Variants in NRCAM observed in about 807,000 individuals in gnomAD.
NRCAM encodes the protein neuronal cell adhesion molecule.
Under a neutral mutation model 156.5 loss-of-function variants are expected in NRCAM, and 83 were observed. That is an observed-to-expected ratio of 0.53 (90% confidence interval 0.44 to 0.64). NRCAM has a LOEUF of 0.64. Among genes scored for constraint, NRCAM ranks in the 30% least tolerant of loss-of-function variants. The pLI is 0.00. For synonymous variants in NRCAM, 538 were observed against 563.9 expected (o/e 0.95, Z 0.65); for missense variants, 1,417 against 1,597.3 (o/e 0.89, Z 1.92).
chr7:108,165,387 T>C (rs981414664), intron 30 of NRCAM, among the ~76,000 whole-genome samples: 1 of 152,194 alleles, frequency 6.6e-6, no homozygotes, highest in Non-Finnish European at 1.5e-5. Flanking sequence ...ATCATAGGAT[T>C]GTTGTAAGGA....
At chr7:108,324,582 A>G (rs1178266939) in intron 2 of NRCAM, among the ~76,000 whole-genome samples, 1 of 152,170 alleles carries the variant, frequency 6.6e-6, no homozygotes, top group East Asian at 1.9e-4. Flanking sequence ...CTTTTCTTCA[A>G]CAGGCTCTGC....
chr7:108,299,126 G>GAAAGAAAGAAAGAAAA (rs2098530903), intron 3 of NRCAM, among the ~76,000 whole-genome samples: 1 of 62,336 alleles, frequency 1.6e-5, no homozygotes. Flanking sequence ...AAGAAAGAAA[G>GAAAGAAAGAAAGAAAA]AAAGAAAGAA....
At chr7:108,268,973 C>T (rs1249315805) in intron 3 of NRCAM, among the ~76,000 whole-genome samples, 1 of 152,078 alleles carries the variant, frequency 6.6e-6, no homozygotes, top group African/African-American at 2.4e-5. Context: ...CCTCGCTTTA[C>T]AGAAGAGGAA....
At chr7:108,309,356 T>C (rs887814189) in intron 3 of NRCAM, among the ~76,000 whole-genome samples, 7 of 152,226 alleles carry the variant, frequency 4.6e-5, no homozygotes, top group Admixed American at 2.0e-4. Flanking sequence ...TATTTTTTAC[T>C]TGGAGTTAGA....
At chr7:108,216,765 G>A (rs536998654) in intron 11 of NRCAM, among the ~76,000 whole-genome samples, 141 of 152,116 alleles carry the variant, frequency 9.3e-4, no homozygotes, top group East Asian at 2.3e-3. Context: ...AGCTCCATCC[G>A]GTCATTTATG....
chr7:108,248,841 C>T lies in NRCAM; in HGVS notation c.-106-8671G>A, dbSNP rs963171778. The stretch of plus-strand genomic sequence containing the variant: ...ATTTAGTGAGCACTAGTATTTCTGC[C>T]ACGGGGAGCATGGCCTATTCACAAT... On this transcript the variant is annotated intron_variant, in intron 3 of 32. Transcript: ENST00000379028. 2.0e-5 allele frequency among the ~76,000 whole-genome samples: 3 copies of T among 152,124 alleles called. No homozygotes were observed. In the East Asian group the frequency reaches 5.8e-4, roughly 29 times the overall value.
intron 1 of NRCAM, among the ~76,000 whole-genome samples, chr7:108,454,530 C>T (rs915279699): frequency 5.3e-5 from 8 of 152,220 alleles, no homozygotes; most frequent in Non-Finnish European, 8.8e-5. Context: ...ATCTAAAGCT[C>T]TCAAAACCGG....
intron 1 of NRCAM, among the ~76,000 whole-genome samples, chr7:108,418,304 A>G (rs1464327243): frequency 6.6e-6 from 1 of 152,204 alleles, no homozygotes; most frequent in Non-Finnish European, 1.5e-5. Flanking sequence ...TCTATGAAGC[A>G]CACAATATCA....
chr7:108,204,881 C>G (rs1476726593), intron 13 of NRCAM, among the ~76,000 whole-genome samples: 1 of 152,218 alleles, frequency 6.6e-6, no homozygotes, highest in Non-Finnish European at 1.5e-5. Context: ...AGAGGAACTA[C>G]TCTTTCTGCT....
intron 2 of NRCAM, among the ~76,000 whole-genome samples, chr7:108,393,705 C>T (rs577082224): frequency 6.6e-6 from 1 of 152,298 alleles, no homozygotes; most frequent in South Asian, 2.1e-4. Context: ...GGAGCTGTTC[C>T]TATTCAGCCA....
chr7:108,250,509 C>T (rs2096275533), intron 3 of NRCAM, among the ~76,000 whole-genome samples: 1 of 148,120 alleles, frequency 6.8e-6, no homozygotes, highest in Non-Finnish European at 1.5e-5. Flanking sequence ...GAAATACACA[C>T]ATCACATGTT....
At chr7:108,434,416 A>C (rs907344727) in intron 1 of NRCAM, among the ~76,000 whole-genome samples, 3 of 152,208 alleles carry the variant, frequency 2.0e-5, no homozygotes, top group Non-Finnish European at 4.4e-5. Flanking sequence ...GAGTTCCAGC[A>C]GGTAAACCAA....
In NRCAM at chr7:108,209,427, C is replaced by G; in HGVS notation, c.1069G>C (p.Val357Leu). The change falls in exon 12 of 33, where the codon GTT becomes CTT. Residue 357 changes from valine to leucine, a missense_variant. By Grantham distance (32) the Val-to-Leu change is conservative (BLOSUM62 1). This residue lies in a region of NRCAM where 1,238 missense variants were observed against 1,336.4 expected (regional missense o/e 0.93). Coordinates refer to ENST00000379028, the MANE Select transcript of NRCAM (RefSeq NM_001037132.4). Reference sequence around the variant, plus strand: ...TGGATTTTAAACAATATACCTTTAACTCTAACAGAAATGGTATGGTGGATG... The same window carrying G: ...TGGATTTTAAACAATATACCTTTAAGTCTAACAGAAATGGTATGGTGGATG... ...GAIHHTISVR[V>L]KAAPYWITAP... 1 of 1,586,006 alleles carries G rather than the reference C, an allele frequency of 6.3e-7. No individual in the cohort carries two copies. Among genetic ancestry groups the G allele is most frequent in the Non-Finnish European group, 8.6e-7 (1 of 1,167,744 alleles).
At chr7:108,401,989 C>T (rs1354548373) in intron 1 of NRCAM, among the ~76,000 whole-genome samples, 3 of 152,188 alleles carry the variant, frequency 2.0e-5, no homozygotes, top group Non-Finnish European at 2.9e-5. Flanking sequence ...TATGGAATAA[C>T]TTTTATTCTT....
At chr7:108,159,026 T>C (rs1424623867) in intron 32 of NRCAM, among the ~76,000 whole-genome samples, 3 of 152,212 alleles carry the variant, frequency 2.0e-5, no homozygotes, top group Admixed American at 6.5e-5. Flanking sequence ...GTATGGGTAT[T>C]GTTTAGGAAA....
chr7:108,317,914 A>G (rs1435816697), intron 2 of NRCAM, among the ~76,000 whole-genome samples: 1 of 151,476 alleles, frequency 6.6e-6, no homozygotes, highest in Non-Finnish European at 1.5e-5. Context: ...GTCCCAGAAA[A>G]AAAAAAAAAG....
chr7:108,450,534 C>T lies in NRCAM; in HGVS notation c.-332+5709G>A, dbSNP rs189679142. On this transcript the variant is annotated intron_variant, in intron 1 of 32. Transcript: ENST00000379028. ...TGCCAGTACATCCCTAAACATTCAG[C>T]ATAAGAATATTTCTATTTTCAGATA... is the stretch of plus-strand genomic sequence containing the variant. Among the ~76,000 whole-genome samples, 15 of 142,558 alleles carry T rather than the reference C, an allele frequency of 1.1e-4. No individual in the cohort carries two copies. In the East Asian group the frequency reaches 2.7e-3, roughly 26 times the overall value. 93.5% of individuals were successfully genotyped at this position (142,558 alleles called of 152,430 possible).
intron 3 of NRCAM, among the ~76,000 whole-genome samples, chr7:108,257,910 C>T (rs568111861): frequency 2.0e-5 from 3 of 152,210 alleles, no homozygotes; most frequent in South Asian, 4.2e-4. Flanking sequence ...CTCTTCTTCA[C>T]GTGCCACACT....
chr7:108,302,080 C>T (rs73416365), intron 3 of NRCAM, among the ~76,000 whole-genome samples: 1 of 150,288 alleles, frequency 6.7e-6, no homozygotes, highest in African/African-American at 2.4e-5. Flanking sequence ...AACAAATCAA[C>T]AACAGAAACA....
Sources: gnomAD v4.1 joint callset for allele counts (sites outside exome capture counted in the v4.1 genomes callset) on GRCh38, gnomAD v4.1.1 for gene constraint, gnomAD v4.1.1 regional missense constraint, MANE v1.5 for transcripts, NCBI Gene and HGNC (gene_info 2026-07-23, HGNC 2026-07-21) for gene names.